The following PAK5 variants were observed in gnomAD, a reference collection of about 807,000 sequenced individuals.
PAK5 encodes the protein p21 (RAC1) activated kinase 5.
A neutral mutation model predicts 65.9 loss-of-function variants in PAK5; 16 were observed. The observed-to-expected ratio is 0.24, with a 90% confidence interval of 0.16 to 0.37. The LOEUF (loss-of-function observed/expected upper bound fraction) is 0.37, where lower values mean the gene tolerates loss of function less well. Ranked by LOEUF, PAK5 falls within the 10% of genes least tolerant of loss-of-function variation. The pLI is 1.00. For missense variants in PAK5, 785 were observed against 903.9 expected, an observed-to-expected ratio of 0.87 and a Z score of 1.69; for synonymous variants, 371 against 354.9, an observed-to-expected ratio of 1.05 and a Z score of -0.51.
chr20:9,642,744 T>A (rs2047085663), intron 3 of PAK5, among the ~76,000 whole-genome samples: 1 of 152,244 alleles, frequency 6.6e-6, no homozygotes, highest in Non-Finnish European at 1.5e-5. Context: ...AAATATCAAT[T>A]GATATCTGTT....
At chr20:9,581,811 G>C (rs904506587) in intron 3 of PAK5, among the ~76,000 whole-genome samples, 1 of 152,076 alleles carries the variant, frequency 6.6e-6, no homozygotes, top group Non-Finnish European at 1.5e-5. Flanking sequence ...ATATGATGGG[G>C]GTGGATAAAA....
intron 2 of PAK5, among the ~76,000 whole-genome samples, chr20:9,662,916 A>T (rs1462326796): frequency 1.3e-5 from 2 of 152,046 alleles, no homozygotes; most frequent in African/African-American, 4.8e-5. Context: ...TTCATGTCAA[A>T]CTCCTCTGGC....
chr20:9,819,955 C>G (rs1370379472), intron 1 of PAK5, among the ~76,000 whole-genome samples: 1 of 152,030 alleles, frequency 6.6e-6, no homozygotes, highest in Non-Finnish European at 1.5e-5. Context: ...GATAGCTTGC[C>G]CAAGAAAGAA....
At chr20:9,757,233 A>T (rs2048645276) in intron 1 of PAK5, among the ~76,000 whole-genome samples, 1 of 67,930 alleles carries the variant, frequency 1.5e-5, no homozygotes, top group African/African-American at 6.7e-5. Flanking sequence ...AATATGAAAA[A>T]AAAACTATTA....
chr20:9,668,326 AT>A (rs200799840), intron 2 of PAK5, among the ~76,000 whole-genome samples: 3 of 151,928 alleles, frequency 2.0e-5, no homozygotes, highest in African/African-American at 7.3e-5. Flanking sequence ...GAGTATTTTC[AT>A]TTTTTTTCCT....
In PAK5 at chr20:9,750,262, T is replaced by C. The variant is rs2048560191; in HGVS notation, c.-161-38827A>G. Among the ~76,000 whole-genome samples the C allele has an allele frequency of 2.0e-5, 3 of 152,122 alleles. 1 individual carries two copies. In the South Asian group the frequency reaches 6.2e-4, roughly 32 times the overall value. On this transcript the variant is annotated intron_variant, in intron 1 of 9. Transcript: ENST00000353224. Reference sequence around the variant, plus strand: ...CAGAAATATTGTTAAATAGTCTAATTCTATTTAACACAACTCTGCTTTAAG... The same window carrying C: ...CAGAAATATTGTTAAATAGTCTAATCCTATTTAACACAACTCTGCTTTAAG...
At chr20:9,551,309 C>T (rs1472836547) in intron 7 of PAK5, among the ~76,000 whole-genome samples, 2 of 152,176 alleles carry the variant, frequency 1.3e-5, no homozygotes, top group South Asian at 2.1e-4. Flanking sequence ...AAACCACCTT[C>T]GTCTCACTAA....
rs150831962 is a variant in PAK5 at position 9,822,133 on chromosome 20, C to T, written c.-162+16629G>A. On this transcript the variant is annotated intron_variant, in intron 1 of 9. Transcript: ENST00000353224. ...GTGAACCCCATCTCTACTAAAAATA[C>T]AAAAAATTAGCCAGGTGTGGTGGTG... Among the ~76,000 whole-genome samples, 539 of 151,786 alleles carry T rather than the reference C, an allele frequency of 3.6e-3. 3 individuals carry two copies. Among genetic ancestry groups the T allele is most frequent in the African/African-American group, 0.012 (513 of 41,410 alleles).
chr20:9,649,144 A>G (rs1417673357), intron 2 of PAK5, among the ~76,000 whole-genome samples: 4 of 152,334 alleles, frequency 2.6e-5, no homozygotes, highest in East Asian at 3.9e-4. Flanking sequence ...TTGTTTCATT[A>G]TTAAACACTT....
chr20:9,577,392 C>CGTGTGTACACACACACAT (rs1458018350), intron 4 of PAK5: 10 of 152,062 alleles, frequency 6.6e-5, no homozygotes, highest in Non-Finnish European at 1.0e-4. Flanking sequence ...AACACACACA[C>CGTGTGTACACACACACAT]GTGTGTACAC....
chr20:9,631,112 G>T (rs1369182804), intron 3 of PAK5, among the ~76,000 whole-genome samples: 7 of 152,138 alleles, frequency 4.6e-5, no homozygotes, highest in African/African-American at 1.7e-4. Context: ...GGGATCTTGG[G>T]CTGGGATGAA....
In PAK5 at chr20:9,546,650, G is replaced by A. The variant is rs574111246; in HGVS notation, c.1744-2156C>T. The stretch of plus-strand genomic sequence containing the variant: ...GACATCAAGAAATCAGAGAAACAAC[G>A]GAGAATAAATTGGGAAAGCCAAGGT... On this transcript the variant is annotated intron_variant, in intron 7 of 9. Coordinates refer to ENST00000353224, the MANE Select transcript of PAK5 (RefSeq NM_177990.4). Among the ~76,000 whole-genome samples the A allele has an allele frequency of 1.3e-4, 20 of 152,236 alleles. No homozygotes were observed. The East Asian group carries it at 1.7e-3, about 13-fold the overall frequency.
At position 9,629,029 on chromosome 20, in the gene PAK5, C is replaced by T. The variant is rs189266644; in HGVS notation, c.204+15096G>A. On this transcript the variant is annotated intron_variant, in intron 3 of 9. Transcript: ENST00000353224. ...GTTGCCTGTTCATCAACAAACCAGG[C>T]TTCTTCTCCTTTCTGGCCTCAGTAC... Among the ~76,000 whole-genome samples the T allele has an allele frequency of 1.0e-3, 152 of 152,260 alleles. No individual in the cohort carries two copies. In the Middle Eastern group the frequency reaches 0.014, roughly 14 times the overall value.
At position 9,790,861 on chromosome 20, in the gene PAK5, CA is replaced by C. The variant is rs539468133; in HGVS notation, c.-162+47900del. 5.4e-4 allele frequency among the ~76,000 whole-genome samples: 82 copies of C among 152,180 alleles called. 2 individuals are homozygous for C. In the East Asian group the frequency reaches 0.014, roughly 27 times the overall value. On this transcript the variant is annotated intron_variant, in intron 1 of 9. Transcript: ENST00000353224. Reference sequence around the variant, plus strand: ...GTGATGAAAGGGGAAAGGTACTAGGCATTTGTGGAGATATCTCACTCTGTAC... The same window carrying C: ...GTGATGAAAGGGGAAAGGTACTAGGCTTTGTGGAGATATCTCACTCTGTAC...
intron 2 of PAK5, among the ~76,000 whole-genome samples, chr20:9,709,496 T>C (rs1024037737): frequency 2.6e-5 from 4 of 152,194 alleles, no homozygotes; most frequent in Non-Finnish European, 4.4e-5. Flanking sequence ...AGCTTGCTTT[T>C]AGCTACCTGA....
chr20:9,797,241 G>A (rs1465766881), intron 1 of PAK5, among the ~76,000 whole-genome samples: 1 of 151,720 alleles, frequency 6.6e-6, no homozygotes, highest in Non-Finnish European at 1.5e-5. Context: ...GGGGTTGTTT[G>A]TTTTTTTCTT....
At chr20:9,619,651 T>G (rs1365331137) in intron 3 of PAK5, among the ~76,000 whole-genome samples, 1 of 152,238 alleles carries the variant, frequency 6.6e-6, no homozygotes, top group Non-Finnish European at 1.5e-5. Context: ...TTTCCAAGTC[T>G]TGCCCTATTG....
At chr20:9,637,336 C>A (rs902741908) in intron 3 of PAK5, among the ~76,000 whole-genome samples, 1 of 152,106 alleles carries the variant, frequency 6.6e-6, no homozygotes, top group Non-Finnish European at 1.5e-5. Flanking sequence ...GCACATGATC[C>A]ATTAAGCATC....
At chr20:9,567,451 T>C (rs1201382967) in intron 4 of PAK5, among the ~76,000 whole-genome samples, 1 of 152,134 alleles carries the variant, frequency 6.6e-6, no homozygotes, top group Non-Finnish European at 1.5e-5. Context: ...TAAACAAAAA[T>C]AGATTAAAAA....
Sources: gnomAD v4.1 joint callset for allele counts (sites outside exome capture counted in the v4.1 genomes callset) on GRCh38, gnomAD v4.1.1 for gene constraint, MANE v1.5 for transcripts, NCBI Gene and HGNC (gene_info 2026-07-23, HGNC 2026-07-21) for gene names.